CSMD1: variants seen among roughly 807,000 people sequenced by gnomAD.
The protein encoded by CSMD1 is CUB and sushi domain-containing protein 1.
CSMD1 carries 213 observed loss-of-function variants against 417.5 expected under a neutral mutation model. The observed-to-expected ratio is 0.51, with a 90% CI of 0.46 to 0.57. The LOEUF (loss-of-function observed/expected upper bound fraction) is 0.57. Among genes scored for constraint, CSMD1 ranks in the 20% least tolerant of loss-of-function variants. The probability of loss-of-function intolerance (pLI) is 0.00; values close to 1 mark genes in which losing one functional copy is unlikely to be tolerated. For synonymous variants in CSMD1, 2,862 were observed against 1,736.8 expected, an observed-to-expected ratio of 1.65 and a Z score of -16.11; for missense variants, 6,923 against 4,529.7, an observed-to-expected ratio of 1.53 and a Z score of -15.17.
intron 1 of CSMD1, among the ~76,000 whole-genome samples, chr8:4,774,190 G>T (rs773575008): frequency 6.6e-5 from 10 of 152,072 alleles, no homozygotes; most frequent in Non-Finnish European, 1.2e-4. Context: ...ACAGAGCGAG[G>T]CTGTCTCAAA....
intron 1 of CSMD1, among the ~76,000 whole-genome samples, chr8:4,912,406 T>G (rs1805752119): frequency 6.6e-6 from 1 of 151,698 alleles, no homozygotes; most frequent in African/African-American, 2.4e-5. Context: ...TGTGGGGTTG[T>G]CTAGATCAAT....
At chr8:4,586,694 G>C (rs375157226) in intron 2 of CSMD1, among the ~76,000 whole-genome samples, 1 of 151,926 alleles carries the variant, frequency 6.6e-6, no homozygotes, top group African/African-American at 2.4e-5. Flanking sequence ...ATGAAATACC[G>C]CCACACCATA....
At position 4,684,537 on chromosome 8, in the gene CSMD1, A is replaced by G. The variant is rs376610275; in HGVS notation, c.86-46979T>C. Among the ~76,000 whole-genome samples, 87 of 152,302 alleles carry G rather than the reference A, an allele frequency of 5.7e-4. 3 individuals are homozygous for G. Among genetic ancestry groups the G allele is most frequent in the African/African-American group, 2.0e-3 (85 of 41,572 alleles). ...TAAATCTCTGTTTTCAAAAAAACATAGAGATTTTCAAATCTAGGCTTTGCC... is the reference window on the plus strand; with the variant it reads ...TAAATCTCTGTTTTCAAAAAAACATGGAGATTTTCAAATCTAGGCTTTGCC... On this transcript the variant is annotated intron_variant, in intron 1 of 69. Coordinates refer to ENST00000635120, the MANE Select transcript of CSMD1 (RefSeq NM_033225.6).
chr8:3,248,589 G>C (rs573031970), intron 26 of CSMD1, among the ~76,000 whole-genome samples: 135 of 132,920 alleles, frequency 1.0e-3, no homozygotes, highest in African/African-American at 3.6e-3. Flanking sequence ...GAGTACAGTG[G>C]CGCGATCTCA....
At chr8:4,229,343 T>G (rs1013315436) in intron 3 of CSMD1, among the ~76,000 whole-genome samples, 2 of 152,178 alleles carry the variant, frequency 1.3e-5, no homozygotes, top group African/African-American at 4.8e-5. Context: ...TGCTTCTTTC[T>G]TATCCACTTT....
intron 2 of CSMD1, among the ~76,000 whole-genome samples, chr8:4,456,144 T>C (rs1321573163): frequency 2.7e-5 from 4 of 150,842 alleles, no homozygotes; most frequent in Non-Finnish European, 4.4e-5. Context: ...CTGAGAGGGT[T>C]AACAGAGAGT....
intron 1 of CSMD1, among the ~76,000 whole-genome samples, chr8:4,898,483 A>G (rs1022549871): frequency 6.6e-6 from 1 of 152,192 alleles, no homozygotes; most frequent in Non-Finnish European, 1.5e-5. Flanking sequence ...CCAAAATCCA[A>G]ATGCTTGCCT....
At chr8:3,858,127 T>C (rs972241389) in intron 5 of CSMD1, among the ~76,000 whole-genome samples, 4 of 152,242 alleles carry the variant, frequency 2.6e-5, no homozygotes, top group African/African-American at 9.6e-5. Context: ...ACTTCGATCT[T>C]AGCTATCTCT....
chr8:3,841,702 A>G (rs1210498444), intron 5 of CSMD1, among the ~76,000 whole-genome samples: 11 of 151,462 alleles, frequency 7.3e-5, no homozygotes, highest in Admixed American at 3.9e-4. Flanking sequence ...TAGTGATTAT[A>G]ATATATAATA....
chr8:4,863,288 T>C (rs886761128), intron 1 of CSMD1, among the ~76,000 whole-genome samples: 4 of 152,036 alleles, frequency 2.6e-5, no homozygotes, highest in Admixed American at 2.0e-4. Flanking sequence ...GAACGGCGCA[T>C]GGTATATAAA....
intron 52 of CSMD1, among the ~76,000 whole-genome samples, chr8:3,002,490 T>C (rs1470434246): frequency 6.6e-6 from 1 of 152,146 alleles, no homozygotes; most frequent in Non-Finnish European, 1.5e-5. Context: ...ACACCAGCAA[T>C]TCCTTTTGGA....
At chr8:4,975,138 T>G (rs1022222222) in intron 1 of CSMD1, among the ~76,000 whole-genome samples, 4 of 152,176 alleles carry the variant, frequency 2.6e-5, no homozygotes, top group Non-Finnish European at 5.9e-5. Context: ...CAATGTGACC[T>G]AGTGGTTCCA....
At chr8:4,360,454 G>A (rs905206401) in intron 3 of CSMD1, among the ~76,000 whole-genome samples, 1 of 152,060 alleles carries the variant, frequency 6.6e-6, no homozygotes, top group Non-Finnish European at 1.5e-5. Flanking sequence ...AGAAGAGCCC[G>A]TTATCATAAC....
At chr8:4,720,963 C>G (rs1004239044) in intron 1 of CSMD1, among the ~76,000 whole-genome samples, 7 of 152,108 alleles carry the variant, frequency 4.6e-5, no homozygotes, top group African/African-American at 1.7e-4. Flanking sequence ...GCTTGCCCTG[C>G]CTACTTCACC....
intron 3 of CSMD1, among the ~76,000 whole-genome samples, chr8:4,128,903 CAT>C (rs1049510869): frequency 1.6e-4 from 24 of 152,086 alleles, no homozygotes; most frequent in African/African-American, 5.1e-4. Flanking sequence ...TCGTACAACT[CAT>C]ATTGTTTTAA....
At chr8:3,978,787 G>C (rs975601448) in intron 5 of CSMD1, among the ~76,000 whole-genome samples, 11 of 152,182 alleles carry the variant, frequency 7.2e-5, no homozygotes, top group Middle Eastern at 3.4e-3. Context: ...TTAAGGGAAA[G>C]CAGCTTTCCT....
chr8:3,574,814 G>T, intron 10 of CSMD1, 131 bp downstream of exon 10: 2 of 1,022,910 alleles, frequency 2.0e-6, no homozygotes, highest in Non-Finnish European at 2.8e-6. Flanking sequence ...GACACAGGAT[G>T]CAGCTGGAAC....
chr8:2,996,246 T>A (rs1009222759), intron 54 of CSMD1, among the ~76,000 whole-genome samples: 4 of 152,298 alleles, frequency 2.6e-5, no homozygotes, highest in African/African-American at 9.6e-5. Flanking sequence ...TATGACATAT[T>A]TTACATATTC....
intron 12 of CSMD1, among the ~76,000 whole-genome samples, chr8:3,441,245 G>T (rs907061737): frequency 6.6e-6 from 1 of 152,038 alleles, no homozygotes; most frequent in Admixed American, 6.6e-5. Context: ...TTTTGGACTT[G>T]TGGCCTCCAG....
Sources: gnomAD v4.1 joint callset for allele counts (sites outside exome capture counted in the v4.1 genomes callset) on GRCh38, gnomAD v4.1.1 for gene constraint, MANE v1.5 for transcripts, NCBI Gene and HGNC (gene_info 2026-07-23, HGNC 2026-07-21) for gene names.